ATXN7L1: variants seen among roughly 807,000 people sequenced by gnomAD.
ATXN7L1 encodes ataxin-7-like protein 1.
Under a neutral mutation model 70.8 loss-of-function variants are expected in ATXN7L1, and 15 were observed. That is an observed-to-expected ratio of 0.21 (90% CI 0.14 to 0.33). The LOEUF is 0.33. ATXN7L1 is among the 10% of genes least tolerant of loss of function. ATXN7L1 has a pLI of 1.00. For missense variants in ATXN7L1, 975 were observed against 1,097.1 expected (o/e 0.89, Z 1.57); for synonymous variants, 440 against 445.1 (o/e 0.99, Z 0.14).
At chr7:105,849,343 T>C (rs1814541413) in intron 2 of ATXN7L1, among the ~76,000 whole-genome samples, 1 of 152,198 alleles carries the variant, frequency 6.6e-6, no homozygotes, top group South Asian at 2.1e-4. Context: ...GGCAAGAAGT[T>C]AGTGTAACCA....
chr7:105,667,421 C>T lies in ATXN7L1; in HGVS notation c.356-2133G>A, dbSNP rs146403553. ...TGTATCTTAAAAGTCAACTAGTGGC[C>T]GGGCGCGGTGGCTCACGCCTGTAAT... On this transcript the variant is annotated intron_variant, in intron 3 of 11. Coordinates refer to ENST00000419735, the MANE Select transcript of ATXN7L1 (RefSeq NM_020725.2). Among the ~76,000 whole-genome samples, 26 of 98,230 alleles carry T rather than the reference C, an allele frequency of 2.6e-4. 8 individuals are homozygous for T. In the East Asian group the frequency reaches 0.017, roughly 66 times the overall value. 64.4% of individuals were successfully genotyped at this position (98,230 alleles called of 152,430 possible).
At chr7:105,850,585 A>C (rs1814727299) in intron 2 of ATXN7L1, among the ~76,000 whole-genome samples, 1 of 152,212 alleles carries the variant, frequency 6.6e-6, no homozygotes, top group Non-Finnish European at 1.5e-5. Context: ...CTGAACCCAG[A>C]TCTCTCTGAC....
At chr7:105,815,398 T>C (rs891546811) in intron 2 of ATXN7L1, among the ~76,000 whole-genome samples, 3 of 152,276 alleles carry the variant, frequency 2.0e-5, no homozygotes, top group Middle Eastern at 3.4e-3. Context: ...TAAAAAATGA[T>C]AAAGAGGATA....
chr7:105,642,326 G>A (rs989426637), intron 5 of ATXN7L1, among the ~76,000 whole-genome samples: 1 of 152,184 alleles, frequency 6.6e-6, no homozygotes, highest in African/African-American at 2.4e-5. Flanking sequence ...ATCGACAGTT[G>A]TAAACTCAAC....
chr7:105,846,845 G>A (rs551436818), intron 2 of ATXN7L1, among the ~76,000 whole-genome samples: 1 of 152,272 alleles, frequency 6.6e-6, no homozygotes, highest in East Asian at 1.9e-4. Context: ...CTAAGTGAAA[G>A]AAGCCACACA....
At chr7:105,749,419 T>G (rs1441965743) in intron 3 of ATXN7L1, among the ~76,000 whole-genome samples, 1 of 151,850 alleles carries the variant, frequency 6.6e-6, no homozygotes, top group Non-Finnish European at 1.5e-5. Context: ...TTTTGAAAGC[T>G]CAAGAGTTCT....
intron 2 of ATXN7L1, among the ~76,000 whole-genome samples, chr7:105,799,677 C>T (rs1234929733): frequency 1.3e-5 from 2 of 152,108 alleles, no homozygotes; most frequent in East Asian, 1.9e-4. Context: ...TTACAATAAT[C>T]GCCCAAACGA....
chr7:105,838,592 C>T (rs1260554819), intron 2 of ATXN7L1, among the ~76,000 whole-genome samples: 1 of 152,134 alleles, frequency 6.6e-6, no homozygotes, highest in Non-Finnish European at 1.5e-5. Context: ...GGCTGAGAGA[C>T]TGGGTAATAA....
Position 105,661,937 on chromosome 7 carries a change from C to G in ATXN7L1, c.578+3129G>C, listed in dbSNP as rs529301301. ...GGTGAACATTCGAGTCTTTTCACTA[C>G]GAGCTATCTCTCTCCTTACAAATCT... is the stretch of plus-strand genomic sequence containing the variant. On this transcript the variant is annotated intron_variant, in intron 4 of 11. Transcript: ENST00000419735. 1.3e-4 allele frequency among the ~76,000 whole-genome samples: 20 copies of G among 152,296 alleles called. No individual in the cohort carries two copies. In the South Asian group the frequency reaches 3.9e-3, roughly 30 times the overall value.
intron 7 of ATXN7L1, among the ~76,000 whole-genome samples, chr7:105,630,626 G>GT (rs1796446086): frequency 6.6e-6 from 1 of 152,104 alleles, no homozygotes. Context: ...GGAGGCTAAG[G>GT]TGGGAGGATT....
chr7:105,824,553 T>A (rs1810596709), intron 2 of ATXN7L1, among the ~76,000 whole-genome samples: 1 of 151,886 alleles, frequency 6.6e-6, no homozygotes, highest in Non-Finnish European at 1.5e-5. Context: ...GACATAAAAA[T>A]TTTACTAGAA....
In ATXN7L1 at chr7:105,607,041, C is replaced by T. The variant is rs1245669896; in HGVS notation, c.*811G>A. On this transcript the variant is annotated 3_prime_UTR_variant, in exon 12 of 12. Coordinates refer to ENST00000419735, the MANE Select transcript of ATXN7L1 (RefSeq NM_020725.2). ...TCTGCAGATTCCTGACCAGCTCAGA[C>T]CACCACAGTCTCCAGTTTTTTTAGG... The T allele has an allele frequency of 6.6e-6, 1 of 152,412 alleles. No homozygotes were observed. The highest frequency in any genetic ancestry group is 2.4e-5 in the African/African-American group (1 of 41,432). 9.4% of individuals were successfully genotyped at this position (152,412 alleles called of 1,614,324 possible).
intron 4 of ATXN7L1, among the ~76,000 whole-genome samples, chr7:105,654,461 G>C (rs1333173423): frequency 1.3e-5 from 2 of 152,272 alleles, no homozygotes; most frequent in African/African-American, 4.8e-5. Flanking sequence ...AGGGCAGAGA[G>C]AGCTTGACGT....
At chr7:105,761,058 G>A in intron 3 of ATXN7L1, 1 of 637,800 alleles carries the variant, frequency 1.6e-6, no homozygotes, top group South Asian at 6.7e-5. Context: ...CGTGCAGAAT[G>A]AATTGTAGAG....
At chr7:105,711,178 C>T (rs1462309868) in intron 3 of ATXN7L1, among the ~76,000 whole-genome samples, 1 of 152,072 alleles carries the variant, frequency 6.6e-6, no homozygotes, top group African/African-American at 2.4e-5. Context: ...AAGGGGAAAC[C>T]CATCCCCATG....
chr7:105,731,049 T>C (rs1166501286), intron 3 of ATXN7L1, among the ~76,000 whole-genome samples: 2 of 152,232 alleles, frequency 1.3e-5, no homozygotes, highest in Non-Finnish European at 2.9e-5. Context: ...GCTGACATGA[T>C]GCCACAGCTG....
intron 3 of ATXN7L1, among the ~76,000 whole-genome samples, chr7:105,787,892 C>T (rs1804548802): frequency 6.6e-6 from 1 of 152,194 alleles, no homozygotes; most frequent in South Asian, 2.1e-4. Context: ...CAATTCCCTG[C>T]TATAGATAAG....
chr7:105,709,853 C>G (rs551720074), intron 3 of ATXN7L1, among the ~76,000 whole-genome samples: 1 of 151,720 alleles, frequency 6.6e-6, no homozygotes, highest in Admixed American at 6.6e-5. Flanking sequence ...TCCCCATACC[C>G]AAATAATAAT....
intron 4 of ATXN7L1, among the ~76,000 whole-genome samples, chr7:105,647,507 C>T (rs764318359): frequency 4.6e-5 from 7 of 152,058 alleles, no homozygotes; most frequent in African/African-American, 7.3e-5. Context: ...ATTAGCCGGG[C>T]GCGGTGGCAC....
Sources: gnomAD v4.1 joint callset for allele counts (sites outside exome capture counted in the v4.1 genomes callset) on GRCh38, gnomAD v4.1.1 for gene constraint, MANE v1.5 for transcripts, NCBI Gene and HGNC (gene_info 2026-07-23, HGNC 2026-07-21) for gene names.